Variants in MYBPC1 observed in about 807,000 individuals in gnomAD.
MYBPC1 encodes myosin binding protein C1.
In MYBPC1, 52 loss-of-function variants were observed where a neutral mutation model predicts 147.1. The ratio of observed to expected loss-of-function variants is 0.35; its 90% CI spans 0.28 to 0.45. MYBPC1 has a LOEUF of 0.45. Ranked by LOEUF, MYBPC1 falls within the 20% of genes least tolerant of loss-of-function variation. The pLI, the probability that MYBPC1 is intolerant of heterozygous loss-of-function variation, is 1.00. For missense variants in MYBPC1, 1,228 were observed against 1,440.3 expected (o/e 0.85, Z 2.39); for synonymous variants, 477 against 475.9 (o/e 1.00, Z -0.03).
intron 24 of MYBPC1, among the ~76,000 whole-genome samples, chr12:101,672,827 G>A (rs1290940841): frequency 2.6e-5 from 4 of 151,994 alleles, no homozygotes; most frequent in Admixed American, 1.3e-4. Flanking sequence ...CAGCCTGGGC[G>A]ACAAGAGCCA....
chr12:101,627,279 A>G (rs1390580488), intron 4 of MYBPC1, among the ~76,000 whole-genome samples: 3 of 151,828 alleles, frequency 2.0e-5, no homozygotes, highest in Non-Finnish European at 4.4e-5. Context: ...GTCTCTCTCT[A>G]TTGCCCAGGC....
chr12:101,625,503 G>A (rs750281028), intron 3 of MYBPC1, among the ~76,000 whole-genome samples: 3 of 152,178 alleles, frequency 2.0e-5, no homozygotes, highest in Non-Finnish European at 2.9e-5. Context: ...AAGGGCTCTA[G>A]AATAAAATAC....
At chr12:101,637,051 T>TCCGTCTCATGACTGAA in intron 10 of MYBPC1, 41 of 292,056 alleles carry the variant, frequency 1.4e-4, no homozygotes, top group East Asian at 2.5e-4. Flanking sequence ...CACATATGAT[T>TCCGTCTCATGACTGAA]TGGTAGAAGT....
intron 3 of MYBPC1, among the ~76,000 whole-genome samples, chr12:101,621,103 C>G (rs1887279354): frequency 6.6e-6 from 1 of 152,138 alleles, no homozygotes; most frequent in South Asian, 2.1e-4. Context: ...TCTTTTACAT[C>G]TGCAATAACA....
chr12:101,690,307 C>T (rs1051305045), downstream of MYBPC1, among the ~76,000 whole-genome samples: 4 of 152,228 alleles, frequency 2.6e-5, no homozygotes, highest in African/African-American at 9.6e-5. Context: ...CTCTCTCTGT[C>T]TTGTTCCTTG....
the MYBPC1 span, among the ~76,000 whole-genome samples, chr12:101,695,464 G>A: frequency 6.6e-6 from 1 of 152,124 alleles, no homozygotes; most frequent in African/African-American, 2.4e-5. Flanking sequence ...AATATTTTTG[G>A]ACTGTGGTTG....
chr12:101,614,692 TA>T, intron 2 of MYBPC1, 161 bp downstream of exon 2: 3 of 723,436 alleles, frequency 4.1e-6, no homozygotes, highest in Admixed American at 2.1e-5. Flanking sequence ...ATAATAAAAA[TA>T]ATACACTGTG....
At chr12:101,666,684 G>A (rs939829569) in intron 22 of MYBPC1, 6 of 1,411,494 alleles carry the variant, frequency 4.3e-6, no homozygotes, top group South Asian at 2.3e-5. Flanking sequence ...CTGCTGATAC[G>A]ATATTATTCT....
At chr12:101,621,140 C>T (rs1429898158) in intron 3 of MYBPC1, among the ~76,000 whole-genome samples, 4 of 152,168 alleles carry the variant, frequency 2.6e-5, no homozygotes, top group Non-Finnish European at 5.9e-5. Flanking sequence ...TACTAGCATG[C>T]TAAAATATTT....
chr12:101,624,719 G>C (rs113946796), intron 3 of MYBPC1, among the ~76,000 whole-genome samples: 1 of 92,372 alleles, frequency 1.1e-5, no homozygotes, highest in African/African-American at 3.9e-5. Flanking sequence ...TACGGAGAGA[G>C]TCTTGTTATG....
intron 18 of MYBPC1, among the ~76,000 whole-genome samples, chr12:101,656,920 A>G (rs1405268506): frequency 6.6e-6 from 1 of 152,182 alleles, no homozygotes; most frequent in Non-Finnish European, 1.5e-5. Flanking sequence ...CACACATAGC[A>G]TATTCACCAA....
chr12:101,628,108 T>C, intron 5 of MYBPC1: 1 of 356,486 alleles, frequency 2.8e-6, no homozygotes, highest in Non-Finnish European at 5.4e-6. Flanking sequence ...TAGATAATAA[T>C]TCACATTTTT....
At chr12:101,687,328 T>G (rs910815948), downstream of MYBPC1, among the ~76,000 whole-genome samples, 2 of 152,060 alleles carry the variant, frequency 1.3e-5, no homozygotes, top group Non-Finnish European at 2.9e-5. Flanking sequence ...GCGGTGTTTG[T>G]TTTTTTGTCC....
Position 101,647,807 on chromosome 12 carries a change from A to G in MYBPC1, c.1091-238A>G, listed in dbSNP as rs570508933. Among the ~76,000 whole-genome samples, 10 of 152,252 alleles carry G rather than the reference A, an allele frequency of 6.6e-5. No homozygotes were observed. In the East Asian group the frequency reaches 1.7e-3, roughly 26 times the overall value. On this transcript the variant is annotated intron_variant, in intron 13 of 31. Transcript: ENST00000361466. ...GAGGCTGAGGCAGGAGAATTGCTTG[A>G]ACCTAGGGGGTGGAGGTTACATTAA...
downstream of MYBPC1, among the ~76,000 whole-genome samples, chr12:101,687,116 C>T (rs994414981): frequency 3.3e-5 from 5 of 151,686 alleles, no homozygotes; most frequent in East Asian, 1.9e-4. Context: ...GGTACATGTG[C>T]GCAACGTGCA....
At chr12:101,670,069 A>T (rs1019588296) in intron 23 of MYBPC1, 1 of 574,876 alleles carries the variant, frequency 1.7e-6, no homozygotes, top group Non-Finnish European at 3.1e-6. Flanking sequence ...AAAGCCAAGG[A>T]TGTCAGGGAT....
Position 101,633,689 on chromosome 12 carries a change from C to CAA in MYBPC1, c.557-854_557-853dup, listed in dbSNP as rs757570762. Reference sequence around the variant, plus strand: ...GCAACAGAGTGAGACTCCGTCTCAACAAAAAAAAAAAAGGACGAGCTCTTC... The same window carrying CAA: ...GCAACAGAGTGAGACTCCGTCTCAACAAAAAAAAAAAAAAGGACGAGCTCTTC... On this transcript the variant is annotated intron_variant, in intron 8 of 31. Coordinates refer to ENST00000361466, the MANE Select transcript of MYBPC1 (RefSeq NM_002465.4). 7.3e-5 allele frequency among the ~76,000 whole-genome samples: 9 copies of CAA among 123,976 alleles called. No individual in the cohort carries two copies. In the East Asian group the frequency reaches 1.1e-3, roughly 16 times the overall value. The allele number at this position is 123,976 out of a possible 152,430, so 81.3% of individuals were successfully genotyped here. A position where few individuals can be genotyped will look rare whatever the true frequency, so the allele number is the denominator to read the frequency against.
intron 10 of MYBPC1, among the ~76,000 whole-genome samples, chr12:101,640,924 G>A (rs1891888195): frequency 6.6e-6 from 1 of 151,990 alleles, no homozygotes; most frequent in African/African-American, 2.4e-5. Flanking sequence ...AGACCAGCCT[G>A]GCCAACATGG....
intron 10 of MYBPC1, among the ~76,000 whole-genome samples, chr12:101,639,222 T>G (rs930516755): frequency 1.3e-5 from 2 of 152,196 alleles, no homozygotes; most frequent in African/African-American, 4.8e-5. Flanking sequence ...TACTCTTCAC[T>G]AGGATCACCA....
Sources: gnomAD v4.1 joint callset for allele counts (sites outside exome capture counted in the v4.1 genomes callset) on GRCh38, gnomAD v4.1.1 for gene constraint, MANE v1.5 for transcripts, NCBI Gene and HGNC (gene_info 2026-07-23, HGNC 2026-07-21) for gene names.